The following TMEM201 variants were observed in gnomAD, a reference collection of about 807,000 sequenced individuals.
TMEM201 encodes the protein transmembrane protein 201, also known as RP13-15M17.2.
TMEM201 carries 26 observed loss-of-function variants against 63.4 expected under a neutral mutation model. The observed-to-expected ratio is 0.41, with a 90% CI of 0.30 to 0.57. The LOEUF (loss-of-function observed/expected upper bound fraction) is 0.57, where lower values mean the gene tolerates loss of function less well. Among genes scored for constraint, TMEM201 ranks in the 20% least tolerant of loss-of-function variants. The pLI, the probability that TMEM201 is intolerant of heterozygous loss-of-function variation, is 0.29. For missense variants in TMEM201, 794 were observed against 917.7 expected (o/e 0.87, Z 1.74); for synonymous variants, 417 against 421.6 (o/e 0.99, Z 0.14).
intron 4 of TMEM201, among the ~76,000 whole-genome samples, chr1:9,599,192 G>A (rs979774313): frequency 9.2e-5 from 14 of 152,008 alleles, no homozygotes; most frequent in African/African-American, 3.1e-4. Flanking sequence ...CTCCCACTTT[G>A]GCCTCCCAAA....
At position 9,593,128 on chromosome 1, in the gene TMEM201, G is replaced by T. The variant is rs562070239; in HGVS notation, c.114-2762G>T. On this transcript the variant is annotated intron_variant, in intron 1 of 10. Transcript: ENST00000340381. ...TCTCCCAGAGCAAAAACAGGGTCCAGCCTAGGCTGGCTCAGAAGAGATTGA... is the reference window on the plus strand; with the variant it reads ...TCTCCCAGAGCAAAAACAGGGTCCATCCTAGGCTGGCTCAGAAGAGATTGA... 1.0e-3 allele frequency among the ~76,000 whole-genome samples: 153 copies of T among 152,366 alleles called. 2 individuals carry two copies. The highest frequency in any genetic ancestry group is 1.7e-3 in the Non-Finnish European group (117 of 68,042).
At chr1:9,601,757 G>A (rs189463507) in intron 5 of TMEM201, among the ~76,000 whole-genome samples, 121 of 148,878 alleles carry the variant, frequency 8.1e-4, no homozygotes, top group African/African-American at 2.5e-3. Flanking sequence ...GGGGGCTCAC[G>A]TGGGGGCCTC....
At position 9,588,914 on chromosome 1, in the gene TMEM201, CT is replaced by C; in HGVS notation, c.-15del. ...CCTACCCCCCTGCCGGCCTGCCGTC[CT>C]TCCACGCGGAGAGCCATGGAGGGAG... On this transcript the variant is annotated 5_prime_UTR_variant, in exon 1 of 11. Coordinates refer to ENST00000340381, the MANE Select transcript of TMEM201 (RefSeq NM_001130924.3). 8.0e-7 allele frequency: 1 copy of C among 1,255,870 alleles called. No individual in the cohort carries two copies. The highest frequency in any genetic ancestry group is 1.0e-6 in the Non-Finnish European group (1 of 978,014). The allele number at this position is 1,255,870 out of a possible 1,614,324, so 77.8% of individuals were successfully genotyped here. A position where few individuals can be genotyped will look rare whatever the true frequency, so the allele number is the denominator to read the frequency against.
At chr1:9,592,133 A>G (rs904614451) in intron 1 of TMEM201, among the ~76,000 whole-genome samples, 12 of 152,186 alleles carry the variant, frequency 7.9e-5, no homozygotes, top group Admixed American at 6.5e-4. Flanking sequence ...TTGCTTGGAG[A>G]TGGGCTGGAG....
In TMEM201 at chr1:9,610,373, C is replaced by A. The variant is rs951995600; in HGVS notation, c.1466-133C>A. The A allele has an allele frequency of 1.1e-6, 1 of 940,218 alleles. No homozygotes were observed. Among genetic ancestry groups the A allele is most frequent in the Admixed American group, 2.9e-5 (1 of 34,260 alleles). 58.2% of individuals were successfully genotyped at this position (940,218 alleles called of 1,614,324 possible). ...TCCTTCAGCTTTGCAGCAGGACTTC[C>A]CCCTGTCCCCAGTCTCTGCACCTTT... On this transcript the variant is annotated intron_variant, in intron 8 of 10. Coordinates refer to ENST00000340381, the MANE Select transcript of TMEM201 (RefSeq NM_001130924.3). The surrounding 1 kb of genome is among the most constrained non-coding windows in gnomAD (Gnocchi z 4.9).
rs140801258 is a variant in TMEM201 at position 9,596,953 on chromosome 1, C to T, written c.329C>T (p.Pro110Leu). The change falls in exon 3 of 11, where the codon CCG (proline) becomes CTG (leucine). Residue 110 changes from proline to leucine, a missense_variant. Transcript: ENST00000340381. ...SAPSLRDPSQ[P>L]QQWVSSQVLL... is the part of the protein sequence containing the mutation. ...CCCAGCCTGCGCGACCCTTCGCAGC[C>T]GCAGCAGTGGGTGAGCAGCCAAGTC... The T allele has an allele frequency of 2.8e-5, 45 of 1,613,046 alleles. No homozygotes were observed. The East Asian group carries it at 3.1e-4, about 11-fold the overall frequency.
Position 9,604,718 on chromosome 1 carries a change from G to A in TMEM201, c.1160+2446G>A, listed in dbSNP as rs1268371889. On this transcript the variant is annotated intron_variant, in intron 6 of 10. Transcript: ENST00000340381. The surrounding 1 kb of genome is among the most constrained non-coding windows in gnomAD (Gnocchi z 4.1). ...AGCCGGCCCCCCGTACCCCTTGCCTGGGAGCAAACCGCCAGGACGCAGCCT... is the reference window on the plus strand; with the variant it reads ...AGCCGGCCCCCCGTACCCCTTGCCTAGGAGCAAACCGCCAGGACGCAGCCT... 1.0e-5 allele frequency: 10 copies of A among 985,872 alleles called. No homozygotes were observed. The highest frequency in any genetic ancestry group is 7.0e-5 in the African/African-American group (4 of 57,232). The allele number at this position is 985,872 out of a possible 1,614,324, so 61.1% of individuals were successfully genotyped here.
rs566333143 is a variant in TMEM201, at chr1:9,604,810, T to C, written c.1160+2538T>C. On this transcript the variant is annotated intron_variant, in intron 6 of 10. Coordinates refer to ENST00000340381, the MANE Select transcript of TMEM201 (RefSeq NM_001130924.3). This position sits in a 1 kb window ranked among gnomAD's most constrained non-coding sequence, Gnocchi z 4.1. ...CACATGACCCTTCTGTCTGTGACTG[T>C]TGCTGAGTCTCTGTCTCATGTCGTA... The C allele has an allele frequency of 2.0e-6, 2 of 985,974 alleles. No individual in the cohort carries two copies. The highest frequency in any genetic ancestry group is 1.1e-4 in the East Asian group (1 of 8,822). The allele number at this position is 985,974 out of a possible 1,614,324, so 61.1% of individuals were successfully genotyped here.
chr1:9,600,989 G>A (rs1644127433), intron 4 of TMEM201, 116 bp from the exon 5 acceptor site: 2 of 912,316 alleles, frequency 2.2e-6, no homozygotes, highest in Non-Finnish European at 3.3e-6. Flanking sequence ...TTTGAACCAA[G>A]CCCAGGATGT....
At chr1:9,592,951 CCT>C (rs1371736917) in intron 1 of TMEM201, among the ~76,000 whole-genome samples, 1 of 152,236 alleles carries the variant, frequency 6.6e-6, no homozygotes, top group African/African-American at 2.4e-5. Context: ...GGCCCGAGCT[CCT>C]CTCTTGCTTG....
Position 9,594,685 on chromosome 1 carries a change from C to A in TMEM201, c.114-1205C>A, listed in dbSNP as rs562087337. Among the ~76,000 whole-genome samples the A allele has an allele frequency of 2.6e-3, 389 of 152,350 alleles. 3 individuals are homozygous for A. Among genetic ancestry groups the A allele is most frequent in the African/African-American group, 8.9e-3 (369 of 41,588 alleles). ...CTGCTTCCCAGGGCCCAGCCTCCCC[C>A]TCAGGCCCCTGGCCAGCCCGATGGG... is the stretch of plus-strand genomic sequence containing the variant. On this transcript the variant is annotated intron_variant, in intron 1 of 10. Coordinates refer to ENST00000340381, the MANE Select transcript of TMEM201 (RefSeq NM_001130924.3).
In TMEM201 at chr1:9,607,564, C is replaced by T; in HGVS notation, c.1168C>T (p.Pro390Ser). 1 of 1,549,036 alleles carries T rather than the reference C, an allele frequency of 6.5e-7. No homozygotes were observed. Among genetic ancestry groups the T allele is most frequent in the Middle Eastern group, 1.7e-4 (1 of 5,970 alleles). The change falls in exon 7 of 11, where the codon CCA becomes TCA. Residue 390 changes from proline (P) to serine (S), a missense_variant. Pro to Ser is a moderately conservative substitution (Grantham distance 74). Transcript: ENST00000340381. This position sits in a 1 kb window ranked among gnomAD's most constrained non-coding sequence, Gnocchi z 5.4. ...CCTGACGGGCCCTTGCAGGTTCTTC[C>T]CAGGAGACTCTGCCGGCCTTTTCCC... is the stretch of plus-strand genomic sequence containing the variant. ...PRRFRPRRFF[P>S]GDSAGLFPTS...
rs1457088751 is a variant in TMEM201 at position 9,607,295 on chromosome 1, G to A, written c.1161-262G>A. Among the ~76,000 whole-genome samples the A allele has an allele frequency of 1.3e-5, 2 of 152,126 alleles. No individual in the cohort carries two copies. Among genetic ancestry groups the A allele is most frequent in the Non-Finnish European group, 2.9e-5 (2 of 68,014 alleles). ...TCACTTTAATACCGAGACTCGTAGT[G>A]GAGATAGTTTGCTGTGAGCCGAGGG... On this transcript the variant is annotated intron_variant, in intron 6 of 10. Coordinates refer to ENST00000340381, the MANE Select transcript of TMEM201 (RefSeq NM_001130924.3). The surrounding 1 kb of genome is among the most constrained non-coding windows in gnomAD (Gnocchi z 5.4).
At chr1:9,606,022 C>G (rs761555004) in intron 6 of TMEM201, among the ~76,000 whole-genome samples, 11 of 152,236 alleles carry the variant, frequency 7.2e-5, no homozygotes, top group Non-Finnish European at 1.6e-4. Context: ...CCCTGCCCCA[C>G]AAACTCCCTC....
intron 1 of TMEM201, among the ~76,000 whole-genome samples, chr1:9,595,020 T>G (rs115730379): frequency 0.012 from 1,754 of 148,322 alleles, 31 homozygotes; most frequent in African/African-American, 0.043. Context: ...GGGGGAGAGG[T>G]GGAGAGTCGG....
intron 10 of TMEM201, among the ~76,000 whole-genome samples, chr1:9,612,546 G>C (rs1160080552): frequency 6.6e-6 from 1 of 152,268 alleles, no homozygotes; most frequent in Non-Finnish European, 1.5e-5. Context: ...CCCCAGGCTG[G>C]AGGGTGGCCC....
At position 9,605,810 on chromosome 1, in the gene TMEM201, C is replaced by A. The variant is rs894449219; in HGVS notation, c.1161-1747C>A. ...GTGGGGATGCACTGGCAAGACCCAG[C>A]CACTCCTGCTAGAGCCCACCCTTTG... On this transcript the variant is annotated intron_variant, in intron 6 of 10. Transcript: ENST00000340381. The surrounding 1 kb of genome is among the most constrained non-coding windows in gnomAD (Gnocchi z 5.7). Among the ~76,000 whole-genome samples the A allele has an allele frequency of 1.3e-5, 2 of 152,204 alleles. No individual in the cohort carries two copies.
intron 9 of TMEM201, among the ~76,000 whole-genome samples, chr1:9,611,242 G>A (rs1644320286): frequency 6.6e-6 from 1 of 151,302 alleles, no homozygotes; most frequent in African/African-American, 2.4e-5. Flanking sequence ...CTGTCGCCCA[G>A]GCTGGAGTGC....
In TMEM201 at chr1:9,605,454, G is replaced by A. The variant is rs562210234; in HGVS notation, c.1161-2103G>A. On this transcript the variant is annotated intron_variant, in intron 6 of 10. Transcript: ENST00000340381. The surrounding 1 kb of genome is among the most constrained non-coding windows in gnomAD (Gnocchi z 5.7). ...CGTGGTTTGAGGGCACAGGGCAGTC[G>A]GGGGGGGTCTCTCGCCAAAGGAAAT... Among the ~76,000 whole-genome samples the A allele has an allele frequency of 2.7e-5, 4 of 150,146 alleles. No homozygotes were observed. The highest frequency in any genetic ancestry group is 6.6e-5 in the Admixed American group (1 of 15,206).
Sources: allele counts gnomAD v4.1 joint callset (sites outside exome capture counted in the v4.1 genomes callset), GRCh38; gene constraint gnomAD v4.1.1; non-coding constraint Gnocchi (gnomAD v3.1); transcripts MANE v1.5; gene names NCBI Gene and HGNC (gene_info 2026-07-23, HGNC 2026-07-21).